STAT4: variants seen among roughly 807,000 people sequenced by gnomAD.
STAT4 encodes signal transducer and activator of transcription 4.
Under a neutral mutation model 110.5 loss-of-function variants are expected in STAT4, and 42 were observed. That is an observed-to-expected ratio of 0.38 (90% confidence interval 0.30 to 0.49). The LOEUF is 0.49. STAT4 is among the 20% of genes least tolerant of loss of function. STAT4 has a pLI of 0.95. For missense variants in STAT4, 632 were observed against 887.9 expected, an observed-to-expected ratio of 0.71 and a Z score of 3.66; for synonymous variants, 284 against 302.2, an observed-to-expected ratio of 0.94 and a Z score of 0.63.
Position 191,050,843 on chromosome 2 carries a change from G to A in STAT4, c.1251+3647C>T, listed in dbSNP as rs575218751. On this transcript the variant is annotated intron_variant, in intron 14 of 23. Coordinates refer to ENST00000392320, the MANE Select transcript of STAT4 (RefSeq NM_003151.4). The surrounding 1 kb of genome is among the most constrained non-coding windows in gnomAD (Gnocchi z 4.3). ...ATCCTAAAGCCAGGAGCCCCTGTAC[G>A]TCCTGACAGCTCAGCTCTTCTTGGG... Among the ~76,000 whole-genome samples, 5 of 152,294 alleles carry A rather than the reference G, an allele frequency of 3.3e-5. No individual in the cohort carries two copies. The South Asian group carries it at 8.3e-4, about 25-fold the overall frequency.
intron 14 of STAT4, among the ~76,000 whole-genome samples, chr2:191,047,833 T>G (rs1420820958): frequency 2.6e-5 from 4 of 152,156 alleles, no homozygotes; most frequent in East Asian, 1.9e-4. Flanking sequence ...GCCCAGCTAA[T>G]TTTTGTATTT....
At position 191,134,435 on chromosome 2, in the gene STAT4, G is replaced by T. The variant is rs1162617725; in HGVS notation, c.273+12178C>A. 9.9e-5 allele frequency among the ~76,000 whole-genome samples: 15 copies of T among 152,244 alleles called. No individual in the cohort carries two copies. In the East Asian group the frequency reaches 2.7e-3, roughly 27 times the overall value. Reference sequence around the variant, plus strand: ...CTGGTGCCAGCATACTCCACACTGGGTCCCAAGGACAGACATGGTCAGCCC... The same window carrying T: ...CTGGTGCCAGCATACTCCACACTGGTTCCCAAGGACAGACATGGTCAGCCC... On this transcript the variant is annotated intron_variant, in intron 3 of 23. Coordinates refer to ENST00000392320, the MANE Select transcript of STAT4 (RefSeq NM_003151.4).
At chr2:191,133,254 G>T (rs937582312) in intron 3 of STAT4, among the ~76,000 whole-genome samples, 1 of 151,100 alleles carries the variant, frequency 6.6e-6, no homozygotes, top group Admixed American at 6.6e-5. Context: ...TTATTCATAA[G>T]TCACTTATTG....
rs1269612201 is a variant in STAT4 at position 191,031,910 on chromosome 2, G to T, written c.2045-394C>A. Among the ~76,000 whole-genome samples, 4 of 152,184 alleles carry T rather than the reference G, an allele frequency of 2.6e-5. No individual in the cohort carries two copies. The highest frequency in any genetic ancestry group is 5.9e-5 in the Non-Finnish European group (4 of 68,026). ...AAATTGACACCAATCAGAATCTTAT[G>T]ATTGCAAACGTTCTTGAAGTACAGA... On this transcript the variant is annotated intron_variant, in intron 21 of 23. Coordinates refer to ENST00000392320, the MANE Select transcript of STAT4 (RefSeq NM_003151.4). This position sits in a 1 kb window ranked among gnomAD's most constrained non-coding sequence, Gnocchi z 4.8.
chr2:191,047,163 G>C (rs1400917262), intron 14 of STAT4, among the ~76,000 whole-genome samples: 4 of 151,986 alleles, frequency 2.6e-5, no homozygotes, highest in South Asian at 2.1e-4. Flanking sequence ...TGCTAGGAGG[G>C]TGGCGCACCT....
chr2:191,148,888 T>C (rs549332129), intron 1 of STAT4, among the ~76,000 whole-genome samples: 6 of 152,336 alleles, frequency 3.9e-5, no homozygotes, highest in Non-Finnish European at 7.3e-5. Flanking sequence ...TTAAAGGATG[T>C]AGTCTTTTTG....
chr2:191,119,964 T>A (rs1698673699), intron 3 of STAT4, among the ~76,000 whole-genome samples: 1 of 152,182 alleles, frequency 6.6e-6, no homozygotes, highest in African/African-American at 2.4e-5. Flanking sequence ...GATCACTTAT[T>A]AGCCTTTTGG....
intron 3 of STAT4, among the ~76,000 whole-genome samples, chr2:191,118,603 T>C (rs1328751650): frequency 6.6e-6 from 1 of 152,230 alleles, no homozygotes; most frequent in East Asian, 1.9e-4. Flanking sequence ...ATTTAATCAA[T>C]GTGGACATTT....
In STAT4 at chr2:191,083,849, T is replaced by G. The variant is rs141191616; in HGVS notation, c.274-7524A>C. Among the ~76,000 whole-genome samples, 562 of 152,308 alleles carry G rather than the reference T, an allele frequency of 3.7e-3. 1 individual carries two copies. The highest frequency in any genetic ancestry group is 0.013 in the African/African-American group (534 of 41,564). ...CCAAATGCCTTTCAAGTTCGCATGA[T>G]TTTAGTAATCTTTGATGAAAAAAAG... On this transcript the variant is annotated intron_variant, in intron 3 of 23. Transcript: ENST00000392320. This position sits in a 1 kb window ranked among gnomAD's most constrained non-coding sequence, Gnocchi z 4.6.
Position 191,046,110 on chromosome 2 carries a change from A to C in STAT4, c.1252-4962T>G, listed in dbSNP as rs1209489858. ...AATCTACAACTTCCACTTCATGTTC[A>C]CTAATGGGGGTGCCTTTCACATTAT... On this transcript the variant is annotated intron_variant, in intron 14 of 23. Coordinates refer to ENST00000392320, the MANE Select transcript of STAT4 (RefSeq NM_003151.4). This position sits in a 1 kb window ranked among gnomAD's most constrained non-coding sequence, Gnocchi z 4.6. 6.6e-6 allele frequency among the ~76,000 whole-genome samples: 1 copy of C among 152,230 alleles called. No individual in the cohort carries two copies. The highest frequency in any genetic ancestry group is 6.5e-5 in the Admixed American group (1 of 15,286).
At position 191,045,490 on chromosome 2, in the gene STAT4, T is replaced by C. The variant is rs140549028; in HGVS notation, c.1252-4342A>G. Among the ~76,000 whole-genome samples the C allele has an allele frequency of 2.6e-5, 4 of 152,248 alleles. No individual in the cohort carries two copies. The East Asian group carries it at 7.7e-4, about 29-fold the overall frequency. ...CTTCAACAATTTATAAAATGAGCCA[T>C]GGGAACATGTGAACAAGTAGGATTA... On this transcript the variant is annotated intron_variant, in intron 14 of 23. Coordinates refer to ENST00000392320, the MANE Select transcript of STAT4 (RefSeq NM_003151.4).
chr2:191,054,599 G>T, intron 13 of STAT4, 65 bp from the exon 14 acceptor site: 2 of 1,447,532 alleles, frequency 1.4e-6, no homozygotes, highest in Non-Finnish European at 9.6e-7. Flanking sequence ...TAAGTTGGTC[G>T]TACCTGTTGC....
At chr2:191,124,938 T>C (rs1218052392) in intron 3 of STAT4, among the ~76,000 whole-genome samples, 1 of 152,236 alleles carries the variant, frequency 6.6e-6, no homozygotes, top group Non-Finnish European at 1.5e-5. Flanking sequence ...ACCACTGCTA[T>C]TCTATACTCC....
intron 3 of STAT4, among the ~76,000 whole-genome samples, chr2:191,145,034 G>A (rs1699426894): frequency 6.6e-6 from 1 of 152,004 alleles, no homozygotes; most frequent in African/African-American, 2.4e-5. Flanking sequence ...CTCTTTACTA[G>A]TAGGCTAAGA....
intron 3 of STAT4, among the ~76,000 whole-genome samples, chr2:191,130,727 G>T (rs1422926827): frequency 1.3e-5 from 2 of 151,576 alleles, no homozygotes; most frequent in Admixed American, 1.3e-4. Context: ...TTGTTTCCGT[G>T]ATTTCTTTTA....
In STAT4 at chr2:191,113,676, G is replaced by T. The variant is rs1424772311; in HGVS notation, c.273+32937C>A. Among the ~76,000 whole-genome samples the T allele has an allele frequency of 6.6e-6, 1 of 152,190 alleles. No individual in the cohort carries two copies. The stretch of plus-strand genomic sequence containing the variant: ...AAAAAGGTTAAAGATGAAATTTAGA[G>T]AGTGTTCCGAGTTGGAGTTTCATCA... On this transcript the variant is annotated intron_variant, in intron 3 of 23. Transcript: ENST00000392320. The surrounding 1 kb of genome is among the most constrained non-coding windows in gnomAD (Gnocchi z 4.8).
intron 8 of STAT4, among the ~76,000 whole-genome samples, chr2:191,063,723 T>C (rs889516482): frequency 6.6e-6 from 1 of 152,214 alleles, no homozygotes; most frequent in Non-Finnish European, 1.5e-5. Flanking sequence ...AGCTCCATTA[T>C]AGGTTAAGAT....
At chr2:191,045,297 A>G (rs1309404851) in intron 14 of STAT4, among the ~76,000 whole-genome samples, 1 of 152,216 alleles carries the variant, frequency 6.6e-6, no homozygotes, top group Non-Finnish European at 1.5e-5. Flanking sequence ...GCCATCGCCT[A>G]AAAGTTTGTA....
In STAT4 at chr2:191,112,071, T is replaced by G. The variant is rs1698440051; in HGVS notation, c.273+34542A>C. Among the ~76,000 whole-genome samples, 2 of 152,152 alleles carry G rather than the reference T, an allele frequency of 1.3e-5. No homozygotes were observed. The highest frequency in any genetic ancestry group is 2.9e-5 in the Non-Finnish European group (2 of 68,028). ...TTATTATCTTGATTGTGATAATGGTTTCATGGGTATACACTTATGTCAAAA... is the reference window on the plus strand; with the variant it reads ...TTATTATCTTGATTGTGATAATGGTGTCATGGGTATACACTTATGTCAAAA... On this transcript the variant is annotated intron_variant, in intron 3 of 23. Transcript: ENST00000392320. The surrounding 1 kb of genome is among the most constrained non-coding windows in gnomAD (Gnocchi z 4.3).
Sources: gnomAD v4.1 joint callset for allele counts (sites outside exome capture counted in the v4.1 genomes callset) on GRCh38, gnomAD v4.1.1 for gene constraint, Gnocchi (gnomAD v3.1) non-coding constraint, MANE v1.5 for transcripts, NCBI Gene and HGNC (gene_info 2026-07-23, HGNC 2026-07-21) for gene names.